The following CADPS variants were observed in gnomAD, a reference collection of about 807,000 sequenced individuals.
CADPS encodes calcium dependent secretion activator, also known as calcium-dependent secretion activator 1.
CADPS carries 57 observed loss-of-function variants against 167.3 expected under a neutral mutation model. That is an observed-to-expected ratio of 0.34 (90% CI 0.28 to 0.42). The LOEUF (loss-of-function observed/expected upper bound fraction) is 0.42, where lower values mean the gene tolerates loss of function less well. CADPS is among the 20% of genes least tolerant of loss of function. The probability of loss-of-function intolerance (pLI) is 1.00; values close to 1 mark genes in which losing one functional copy is unlikely to be tolerated. For synonymous variants in CADPS, 676 were observed against 635.3 expected (o/e 1.06, Z -0.96); for missense variants, 1,414 against 1,738.1 (o/e 0.81, Z 3.32).
At chr3:62,564,488 G>A (rs191916598) in intron 9 of CADPS, among the ~76,000 whole-genome samples, 1 of 152,216 alleles carries the variant, frequency 6.6e-6, no homozygotes, top group African/African-American at 2.4e-5. Flanking sequence ...AAATATAAGT[G>A]ATTGTCCACA....
intron 6 of CADPS, chr3:62,626,078 A>T: frequency 6.6e-6 from 1 of 151,866 alleles, no homozygotes. Flanking sequence ...CATCTTTTCC[A>T]AGGCTGTAAT....
chr3:62,808,051 T>G (rs552563828), intron 1 of CADPS, among the ~76,000 whole-genome samples: 452 of 151,970 alleles, frequency 3.0e-3, no homozygotes, highest in Non-Finnish European at 4.3e-3. Flanking sequence ...TTTTTTGTAT[T>G]TTTAGTAGAG....
At chr3:62,807,760 A>ATT (rs1406675136) in intron 1 of CADPS, among the ~76,000 whole-genome samples, 1 of 151,834 alleles carries the variant, frequency 6.6e-6, no homozygotes, top group Admixed American at 6.6e-5. Context: ...ATTGGCCATT[A>ATT]TTTCTACTGA....
At chr3:62,714,415 T>C (rs2084012703) in intron 3 of CADPS, among the ~76,000 whole-genome samples, 1 of 152,206 alleles carries the variant, frequency 6.6e-6, no homozygotes, top group Non-Finnish European at 1.5e-5. Flanking sequence ...CTTACTGTTT[T>C]GGAACTGCTG....
intron 10 of CADPS, 137 bp from the exon 11 acceptor site, chr3:62,550,252 G>C: frequency 1.5e-6 from 1 of 645,642 alleles, no homozygotes; most frequent in Non-Finnish European, 2.7e-6. Context: ...AGGATGGGAA[G>C]TCTGAGATTC....
chr3:62,467,319 GA>G, intron 24 of CADPS: 1 of 1,257,964 alleles, frequency 7.9e-7, no homozygotes, highest in Non-Finnish European at 1.0e-6. Flanking sequence ...CAAACTTTCA[GA>G]AGGATGATTA....
intron 3 of CADPS, among the ~76,000 whole-genome samples, chr3:62,744,097 A>C (rs1200661250): frequency 6.6e-6 from 1 of 152,090 alleles, no homozygotes; most frequent in East Asian, 1.9e-4. Flanking sequence ...CCCCCCTTTT[A>C]GCTTCTTTAC....
At chr3:62,850,849 G>T (rs2078414138) in intron 1 of CADPS, among the ~76,000 whole-genome samples, 2 of 151,594 alleles carry the variant, frequency 1.3e-5, no homozygotes, top group Non-Finnish European at 1.5e-5. Context: ...CTGTCTCGTT[G>T]ATCTGTCTAA....
rs945977905 is a variant in CADPS at position 62,425,977 on chromosome 3, A to G, written c.3777+12127T>C. Among the ~76,000 whole-genome samples the G allele has an allele frequency of 8.5e-5, 13 of 152,174 alleles. 1 individual carries two copies. The highest frequency in any genetic ancestry group is 1.9e-4 in the Non-Finnish European group (13 of 68,032). Reference sequence around the variant, plus strand: ...ACTGGGATATTACTTTAGTCTAAGAAAGATTTCCTTTAGCGATACTGTGGC... The same window carrying G: ...ACTGGGATATTACTTTAGTCTAAGAGAGATTTCCTTTAGCGATACTGTGGC... On this transcript the variant is annotated intron_variant, in intron 28 of 29. Coordinates refer to ENST00000383710, the MANE Select transcript of CADPS (RefSeq NM_003716.4).
intron 28 of CADPS, among the ~76,000 whole-genome samples, chr3:62,429,537 T>C (rs576728548): frequency 3.9e-5 from 6 of 152,270 alleles, no homozygotes; most frequent in African/African-American, 1.4e-4. Flanking sequence ...TATTTGAGGA[T>C]TTAACACAGC....
chr3:62,664,194 A>T (rs1480027214), intron 3 of CADPS, among the ~76,000 whole-genome samples: 1 of 152,076 alleles, frequency 6.6e-6, no homozygotes, highest in East Asian at 1.9e-4. Context: ...TTTAGTAGAG[A>T]TGGGGTTTCA....
At chr3:62,576,790 A>AAAAT (rs1562374978) in intron 8 of CADPS, among the ~76,000 whole-genome samples, 2 of 141,046 alleles carry the variant, frequency 1.4e-5, no homozygotes, top group African/African-American at 5.1e-5. Context: ...ACTCTGTCTA[A>AAAAT]AAAAAAAAAA....
chr3:62,574,505 G>C (rs1215963529), intron 8 of CADPS, among the ~76,000 whole-genome samples: 2 of 152,154 alleles, frequency 1.3e-5, no homozygotes, highest in African/African-American at 4.8e-5. Context: ...TATCAACCTT[G>C]TGCTGCTGAT....
chr3:62,411,820 A>C (rs1383305722), intron 28 of CADPS, among the ~76,000 whole-genome samples: 1 of 152,246 alleles, frequency 6.6e-6, no homozygotes, highest in African/African-American at 2.4e-5. Context: ...GATTTGTCAA[A>C]GCTTCCCAAG....
intron 3 of CADPS, among the ~76,000 whole-genome samples, chr3:62,731,470 G>T (rs1194835393): frequency 6.6e-6 from 1 of 152,040 alleles, no homozygotes; most frequent in Non-Finnish European, 1.5e-5. Flanking sequence ...CCAAACTGAG[G>T]TAGTCCACAT....
intron 28 of CADPS, among the ~76,000 whole-genome samples, chr3:62,427,007 A>G (rs759591201): frequency 2.4e-4 from 37 of 151,350 alleles, no homozygotes; most frequent in African/African-American, 4.6e-4. Context: ...CACAGGAGGC[A>G]GAGCTTGTGG....
At chr3:62,778,979 C>T (rs1214040230) in intron 1 of CADPS, among the ~76,000 whole-genome samples, 2 of 151,526 alleles carry the variant, frequency 1.3e-5, no homozygotes, top group African/African-American at 4.8e-5. Context: ...CAACCTCCAC[C>T]TGCCGGGTTC....
At position 62,636,137 on chromosome 3, in the gene CADPS, A is replaced by G. The variant is rs183744191; in HGVS notation, c.1325+9585T>C. Among the ~76,000 whole-genome samples the G allele has an allele frequency of 2.0e-5, 3 of 152,300 alleles. No individual in the cohort carries two copies. In the East Asian group the frequency reaches 5.8e-4, roughly 29 times the overall value. On this transcript the variant is annotated intron_variant, in intron 6 of 29. Coordinates refer to ENST00000383710, the MANE Select transcript of CADPS (RefSeq NM_003716.4). ...CTTACATTTGTGCCAAGTTCTTTGCATATGTTAAATTTGAAATGTTATTAA... is the reference window on the plus strand; with the variant it reads ...CTTACATTTGTGCCAAGTTCTTTGCGTATGTTAAATTTGAAATGTTATTAA...
chr3:62,751,897 CA>C lies in CADPS; in HGVS notation c.888+1543del, dbSNP rs75000349. Among the ~76,000 whole-genome samples, 255 of 152,274 alleles carry C rather than the reference CA, an allele frequency of 1.7e-3. 8 individuals carry two copies. In the East Asian group the frequency reaches 0.039, roughly 23 times the overall value. On this transcript the variant is annotated intron_variant, in intron 3 of 29. Transcript: ENST00000383710. ...AATATGATCCTGCCACTCAATTCAA[CA>C]AGTGCAAAAACACTGAGATAAGACA...
Sources: gnomAD v4.1 joint callset for allele counts (sites outside exome capture counted in the v4.1 genomes callset) on GRCh38, gnomAD v4.1.1 for gene constraint, MANE v1.5 for transcripts, NCBI Gene and HGNC (gene_info 2026-07-23, HGNC 2026-07-21) for gene names.